The following CLMP variants were observed in gnomAD, a reference collection of about 807,000 sequenced individuals.
The protein encoded by CLMP is CXADR like cell adhesion molecule, also known as CXADR-like membrane protein.
Under a neutral mutation model 45.2 loss-of-function variants are expected in CLMP, and 27 were observed. The observed-to-expected ratio is 0.60, with a 90% CI of 0.44 to 0.82. CLMP has a LOEUF of 0.82. CLMP is among the 40% of genes least tolerant of loss of function. The probability of loss-of-function intolerance (pLI) is 0.00; values close to 1 mark genes in which losing one functional copy is unlikely to be tolerated. For missense variants in CLMP, 403 were observed against 448.4 expected (o/e 0.90, Z 0.91); for synonymous variants, 167 against 171.4 (o/e 0.97, Z 0.20).
chr11:123,181,750 T>C (rs886841337), intron 1 of CLMP, among the ~76,000 whole-genome samples: 2 of 152,206 alleles, frequency 1.3e-5, no homozygotes, highest in Non-Finnish European at 2.9e-5. Flanking sequence ...GAAATTGTTA[T>C]AAAACCAAAC....
intron 2 of CLMP, among the ~76,000 whole-genome samples, chr11:123,096,901 C>T (rs969124684): frequency 6.6e-6 from 1 of 152,074 alleles, no homozygotes; most frequent in Non-Finnish European, 1.5e-5. Flanking sequence ...GCCTTGACCT[C>T]CTGGGCTCAA....
At chr11:123,106,348 C>A (rs1414885444) in intron 1 of CLMP, among the ~76,000 whole-genome samples, 3 of 151,024 alleles carry the variant, frequency 2.0e-5, no homozygotes, top group Non-Finnish European at 2.9e-5. Context: ...GGAAGTTTTC[C>A]CTTCACCCCA....
At position 123,072,506 on chromosome 11, in the gene CLMP, TG is replaced by T. The variant is rs1038459303; in HGVS notation, c.*967del. 3.3e-5 allele frequency: 5 copies of T among 152,202 alleles called. No individual in the cohort carries two copies. Among genetic ancestry groups the T allele is most frequent in the Non-Finnish European group, 7.3e-5 (5 of 68,034 alleles). The allele number at this position is 152,202 out of a possible 1,614,324, so 9.4% of individuals were successfully genotyped here. A position where few individuals can be genotyped will look rare whatever the true frequency, so the allele number is the denominator to read the frequency against. On this transcript the variant is annotated 3_prime_UTR_variant, in exon 7 of 7. Transcript: ENST00000448775. ...TCTAGTCCACCCAGTCTTGCAATTCTGGTTTCACATTTTCTCAGAAAGAAGA... is the reference window on the plus strand; with the variant it reads ...TCTAGTCCACCCAGTCTTGCAATTCTGTTTCACATTTTCTCAGAAAGAAGA...
intron 5 of CLMP, among the ~76,000 whole-genome samples, chr11:123,079,701 TC>T (rs1178602487): frequency 6.6e-6 from 1 of 152,188 alleles, no homozygotes; most frequent in East Asian, 1.9e-4. Flanking sequence ...CGCCTCGACC[TC>T]CCAAAGTGCT....
rs1018348129 is a variant in CLMP, at chr11:123,074,625, A to G, written c.821+77T>C. On this transcript the variant is annotated intron_variant, in intron 6 of 6. Coordinates refer to ENST00000448775, the MANE Select transcript of CLMP (RefSeq NM_024769.5). ...ATTCATGGTTAAGAGAAAACTGGGA[A>G]CATTTATGTTGGCTGGTCACTATAG... 4 of 1,402,694 alleles carry G rather than the reference A, an allele frequency of 2.9e-6. No individual in the cohort carries two copies. In the Admixed American group the frequency reaches 6.1e-5, roughly 21 times the overall value. The allele number at this position is 1,402,694 out of a possible 1,614,324, so 86.9% of individuals were successfully genotyped here. A position where few individuals can be genotyped will look rare whatever the true frequency, so the allele number is the denominator to read the frequency against.
intron 1 of CLMP, among the ~76,000 whole-genome samples, chr11:123,108,552 G>A (rs1860592044): frequency 6.6e-6 from 1 of 152,030 alleles, no homozygotes. Flanking sequence ...CCCAGCCTGT[G>A]GGTTGGTTTT....
chr11:123,118,938 TTTCTTTCTTTCTTTCTTTC>T (rs1860756667), intron 1 of CLMP, among the ~76,000 whole-genome samples: 1 of 11,372 alleles, frequency 8.8e-5, no homozygotes, highest in Admixed American at 1.1e-3. Context: ...CTTTTCTTTC[TTTCTTTCTTTCTTTCTTTC>T]TTTCTTTCTT....
At chr11:123,140,588 C>T (rs1012004782) in intron 1 of CLMP, among the ~76,000 whole-genome samples, 3 of 152,074 alleles carry the variant, frequency 2.0e-5, no homozygotes, top group African/African-American at 7.2e-5. Context: ...CCTCACACTC[C>T]CACACACAAC....
At chr11:123,122,817 C>A (rs1013926823) in intron 1 of CLMP, among the ~76,000 whole-genome samples, 1 of 152,158 alleles carries the variant, frequency 6.6e-6, no homozygotes, top group African/African-American at 2.4e-5. Flanking sequence ...TCCCTGTCTT[C>A]CCTCCTTTCC....
At chr11:123,082,728 A>G (rs1263858076) in intron 5 of CLMP, among the ~76,000 whole-genome samples, 3 of 149,222 alleles carry the variant, frequency 2.0e-5, no homozygotes, top group Non-Finnish European at 1.5e-5. Context: ...TTCCTGCCTC[A>G]GCTTCCTGAG....
chr11:123,121,630 T>C (rs1591466822), intron 1 of CLMP, among the ~76,000 whole-genome samples: 1 of 151,978 alleles, frequency 6.6e-6, no homozygotes, highest in Admixed American at 6.6e-5. Flanking sequence ...TATCTGTCAG[T>C]GGGAGGTGGG....
intron 3 of CLMP, 124 bp downstream of exon 3, chr11:123,084,388 G>A: frequency 1.4e-6 from 1 of 725,578 alleles, no homozygotes; most frequent in Non-Finnish European, 2.4e-6. Flanking sequence ...TGGACGAGGT[G>A]ACCTCTGAAT....
intron 1 of CLMP, among the ~76,000 whole-genome samples, chr11:123,100,397 AC>A (rs920161222): frequency 6.0e-5 from 9 of 149,586 alleles, no homozygotes; most frequent in African/African-American, 9.9e-5. Flanking sequence ...AAAAAAAAAA[AC>A]CAAAGATTGT....
chr11:123,117,868 T>A (rs1591465011), intron 1 of CLMP, among the ~76,000 whole-genome samples: 1 of 152,230 alleles, frequency 6.6e-6, no homozygotes, highest in Non-Finnish European at 1.5e-5. Context: ...AGGAATTATC[T>A]TCAAAGAGTA....
At chr11:123,081,785 C>T (rs1865806119) in intron 5 of CLMP, among the ~76,000 whole-genome samples, 1 of 151,548 alleles carries the variant, frequency 6.6e-6, no homozygotes, top group Non-Finnish European at 1.5e-5. Flanking sequence ...TCGCTTGAAC[C>T]CGGGAGGCAG....
At chr11:123,124,843 T>C (rs1235864229) in intron 1 of CLMP, among the ~76,000 whole-genome samples, 1 of 152,192 alleles carries the variant, frequency 6.6e-6, no homozygotes, top group Non-Finnish European at 1.5e-5. Flanking sequence ...AAATAAGTAA[T>C]TGAAAACACT....
intron 1 of CLMP, among the ~76,000 whole-genome samples, chr11:123,147,127 AAAAT>A (rs1861250040): frequency 6.6e-6 from 1 of 152,082 alleles, no homozygotes; most frequent in Admixed American, 6.6e-5. Context: ...ATGTTTTCTA[AAAAT>A]GTCATTTTTT....
At chr11:123,080,730 T>C (rs1865795038) in intron 5 of CLMP, among the ~76,000 whole-genome samples, 1 of 152,178 alleles carries the variant, frequency 6.6e-6, no homozygotes, top group Non-Finnish European at 1.5e-5. Flanking sequence ...AAATACATAA[T>C]AAAGAACTCT....
chr11:123,179,445 C>T (rs1417341977), intron 1 of CLMP, among the ~76,000 whole-genome samples: 2 of 152,166 alleles, frequency 1.3e-5, no homozygotes, highest in Non-Finnish European at 2.9e-5. Context: ...GTGGAGTCCA[C>T]ACAAATGAGC....
Sources: allele counts gnomAD v4.1 joint callset (sites outside exome capture counted in the v4.1 genomes callset), GRCh38; gene constraint gnomAD v4.1.1; transcripts MANE v1.5; gene names NCBI Gene and HGNC (gene_info 2026-07-23, HGNC 2026-07-21).